HS6ST3: variants seen among roughly 807,000 people sequenced by gnomAD.
HS6ST3 encodes the protein heparan sulfate 6-O-sulfotransferase 3, also known as heparan-sulfate 6-O-sulfotransferase 3.
In HS6ST3, 12 loss-of-function variants were observed where a neutral mutation model predicts 36.7. The ratio of observed to expected loss-of-function variants is 0.33; its 90% CI spans 0.21 to 0.53. HS6ST3 has a LOEUF of 0.53. HS6ST3 is among the 20% of genes least tolerant of loss of function. The pLI, the probability that HS6ST3 is intolerant of heterozygous loss-of-function variation, is 0.95. For missense variants in HS6ST3, 584 were observed against 640.9 expected, an observed-to-expected ratio of 0.91 and a Z score of 0.96; for synonymous variants, 240 against 257.5, an observed-to-expected ratio of 0.93 and a Z score of 0.65.
intron 1 of HS6ST3, among the ~76,000 whole-genome samples, chr13:96,411,882 G>C (rs976963851): frequency 6.6e-6 from 1 of 152,212 alleles, no homozygotes; most frequent in African/African-American, 2.4e-5. Flanking sequence ...ATGACTTGTA[G>C]TTTCAGGGTT....
chr13:96,491,289 G>A (rs1220647248), intron 1 of HS6ST3, among the ~76,000 whole-genome samples: 1 of 151,970 alleles, frequency 6.6e-6, no homozygotes, highest in African/African-American at 2.4e-5. Flanking sequence ...ATACCATCTG[G>A]TATTTCTTCC....
At chr13:96,720,953 A>G (rs539512264) in intron 1 of HS6ST3, among the ~76,000 whole-genome samples, 2 of 152,196 alleles carry the variant, frequency 1.3e-5, no homozygotes, top group Non-Finnish European at 2.9e-5. Context: ...TAAGAACTCA[A>G]TGAAATACTA....
chr13:96,254,971 C>T lies in HS6ST3; in HGVS notation c.707+163402C>T, dbSNP rs142583325. Among the ~76,000 whole-genome samples the T allele has an allele frequency of 1.1e-3, 171 of 152,268 alleles. 1 individual carries two copies. Among genetic ancestry groups the T allele is most frequent in the African/African-American group, 3.8e-3 (158 of 41,552 alleles). On this transcript the variant is annotated intron_variant, in intron 1 of 1. Coordinates refer to ENST00000376705, the MANE Select transcript of HS6ST3 (RefSeq NM_153456.4). ...ATCTGTGAGAATTTTAAGTGGATTT[C>T]AGCTGTTTAAAAACCATTTGTAAAA...
At chr13:96,471,457 G>A (rs765570773) in intron 1 of HS6ST3, among the ~76,000 whole-genome samples, 29 of 152,154 alleles carry the variant, frequency 1.9e-4, no homozygotes, top group Non-Finnish European at 3.5e-4. Context: ...AGGATGTCAT[G>A]GGCTGCTCGC....
intron 1 of HS6ST3, among the ~76,000 whole-genome samples, chr13:96,656,492 C>T (rs2056625347): frequency 6.6e-6 from 1 of 152,104 alleles, no homozygotes; most frequent in South Asian, 2.1e-4. Context: ...CTAATTCTGA[C>T]CACATTTCAA....
intron 1 of HS6ST3, among the ~76,000 whole-genome samples, chr13:96,232,474 T>C (rs1458511891): frequency 6.6e-6 from 1 of 152,002 alleles, no homozygotes; most frequent in Admixed American, 6.6e-5. Context: ...CTGTATTGGG[T>C]GTGAGAGAAT....
intron 1 of HS6ST3, among the ~76,000 whole-genome samples, chr13:96,500,117 G>C (rs141279131): frequency 6.6e-6 from 1 of 151,996 alleles, no homozygotes; most frequent in African/African-American, 2.4e-5. Context: ...GGCAACCACC[G>C]ATCGACTTTC....
At chr13:96,192,173 C>T (rs9562047) in intron 1 of HS6ST3, among the ~76,000 whole-genome samples, 8,204 of 152,188 alleles carry the variant, frequency 0.054, 312 homozygotes, top group East Asian at 0.15. Flanking sequence ...AAGGAGATAA[C>T]AAAAGTGCTT....
intron 1 of HS6ST3, among the ~76,000 whole-genome samples, chr13:96,220,852 G>T (rs1249720384): frequency 1.3e-5 from 2 of 151,992 alleles, no homozygotes; most frequent in African/African-American, 4.8e-5. Context: ...CATCCTGTTT[G>T]CAGTTACTAA....
At chr13:96,092,468 A>C (rs2053769727) in intron 1 of HS6ST3, among the ~76,000 whole-genome samples, 2 of 152,216 alleles carry the variant, frequency 1.3e-5, no homozygotes, top group South Asian at 4.1e-4. Flanking sequence ...GCTTTGAGAG[A>C]GACATGGGCT....
At chr13:96,161,982 A>G (rs545094648) in intron 1 of HS6ST3, among the ~76,000 whole-genome samples, 1 of 152,338 alleles carries the variant, frequency 6.6e-6, no homozygotes, top group African/African-American at 2.4e-5. Flanking sequence ...ATTTATAAAC[A>G]AAAACAAACG....
At chr13:96,662,226 A>G (rs1283060301) in intron 1 of HS6ST3, among the ~76,000 whole-genome samples, 2 of 152,194 alleles carry the variant, frequency 1.3e-5, no homozygotes, top group Admixed American at 6.5e-5. Flanking sequence ...TGTCTCAGGA[A>G]TGCCCGTGAC....
intron 1 of HS6ST3, among the ~76,000 whole-genome samples, chr13:96,335,257 C>T (rs994651613): frequency 1.3e-5 from 2 of 152,166 alleles, no homozygotes; most frequent in East Asian, 1.9e-4. Flanking sequence ...GTCCCAGGAA[C>T]TCTTGCAGGT....
intron 1 of HS6ST3, among the ~76,000 whole-genome samples, chr13:96,184,015 A>G (rs1234987474): frequency 2.0e-5 from 3 of 151,986 alleles, no homozygotes; most frequent in Non-Finnish European, 4.4e-5. Context: ...ATCCTGGCCA[A>G]CATGGTAAAA....
chr13:96,312,723 G>A (rs1003807966), intron 1 of HS6ST3, among the ~76,000 whole-genome samples: 3 of 151,882 alleles, frequency 2.0e-5, no homozygotes, highest in African/African-American at 7.3e-5. Context: ...AGGCTGAGTC[G>A]GGCAGATTGC....
At position 96,355,601 on chromosome 13, in the gene HS6ST3, TTTTTAACTA is replaced by T. The variant is rs372823123; in HGVS notation, c.707+264039_707+264047del. Among the ~76,000 whole-genome samples the T allele has an allele frequency of 6.8e-3, 1,039 of 152,294 alleles. 12 individuals are homozygous for T. Among genetic ancestry groups the T allele is most frequent in the African/African-American group, 0.024 (1,002 of 41,556 alleles). ...ATGTCTAAAAATGTACTTACATTATTTTTTAACTATTTTAATGCTAAAAAATGATAATTA... is the reference window on the plus strand; with the variant it reads ...ATGTCTAAAAATGTACTTACATTATTTTTTAATGCTAAAAAATGATAATTA... On this transcript the variant is annotated intron_variant, in intron 1 of 1. Coordinates refer to ENST00000376705, the MANE Select transcript of HS6ST3 (RefSeq NM_153456.4).
intron 1 of HS6ST3, among the ~76,000 whole-genome samples, chr13:96,679,151 T>C (rs1594834266): frequency 6.7e-6 from 1 of 149,720 alleles, no homozygotes. Flanking sequence ...TCTGCTATGC[T>C]TCTTATTTCA....
intron 1 of HS6ST3, among the ~76,000 whole-genome samples, chr13:96,233,680 A>C (rs79604357): frequency 0.016 from 2,374 of 152,278 alleles, 60 homozygotes; most frequent in African/African-American, 0.055. Flanking sequence ...ATGAGATGAT[A>C]GCCATTTGTG....
At chr13:96,580,175 T>C (rs1323565918) in intron 1 of HS6ST3, among the ~76,000 whole-genome samples, 1 of 144,234 alleles carries the variant, frequency 6.9e-6, no homozygotes, top group Non-Finnish European at 1.5e-5. Context: ...ATAAGCATCT[T>C]CCAGGACCCC....
Sources: gnomAD v4.1 joint callset for allele counts (sites outside exome capture counted in the v4.1 genomes callset) on GRCh38, gnomAD v4.1.1 for gene constraint, MANE v1.5 for transcripts, NCBI Gene and HGNC (gene_info 2026-07-23, HGNC 2026-07-21) for gene names.